The following SEMA6D variants were observed in gnomAD, a reference collection of about 807,000 sequenced individuals.
SEMA6D encodes the protein semaphorin-6D.
In SEMA6D, 35 loss-of-function variants were observed where a neutral mutation model predicts 106.6. The ratio of observed to expected loss-of-function variants is 0.33; its 90% CI spans 0.25 to 0.44. The LOEUF is 0.44. Ranked by LOEUF, SEMA6D falls within the 20% of genes least tolerant of loss-of-function variation. The probability of loss-of-function intolerance (pLI) is 1.00; values close to 1 mark genes in which losing one functional copy is unlikely to be tolerated. For synonymous variants in SEMA6D, 499 were observed against 487.7 expected (o/e 1.02, Z -0.31); for missense variants, 1,185 against 1,345.9 (o/e 0.88, Z 1.87).
intron 1 of SEMA6D, among the ~76,000 whole-genome samples, chr15:47,407,982 C>T (rs952093937): frequency 5.9e-5 from 9 of 152,156 alleles, no homozygotes; most frequent in African/African-American, 2.2e-4. Context: ...TGAAGACTGG[C>T]AGTCTGAGGT....
At chr15:47,455,988 T>A (rs2042335153) in intron 2 of SEMA6D, among the ~76,000 whole-genome samples, 1 of 151,978 alleles carries the variant, frequency 6.6e-6, no homozygotes, top group Non-Finnish European at 1.5e-5. Context: ...GCCATGATGA[T>A]GATGGCGATG....
chr15:47,538,017 G>T (rs2045229506), intron 3 of SEMA6D, among the ~76,000 whole-genome samples: 1 of 152,162 alleles, frequency 6.6e-6, no homozygotes, highest in Non-Finnish European at 1.5e-5. Context: ...GAGACTGGAT[G>T]TGCTCTTCAA....
intron 1 of SEMA6D, among the ~76,000 whole-genome samples, chr15:47,409,844 G>GT (rs547898823): frequency 8.4e-4 from 127 of 151,988 alleles, no homozygotes; most frequent in African/African-American, 3.0e-3. Flanking sequence ...AGGGATGGGA[G>GT]GAGCAAATGC....
chr15:47,712,224 T>G (rs1384938095), intron 4 of SEMA6D, among the ~76,000 whole-genome samples: 1 of 152,214 alleles, frequency 6.6e-6, no homozygotes, highest in Non-Finnish European at 1.5e-5. Context: ...ACACATTTAC[T>G]TGTAGTTTAG....
intron 4 of SEMA6D, among the ~76,000 whole-genome samples, chr15:47,610,637 A>G (rs1166905209): frequency 6.6e-6 from 1 of 152,204 alleles, no homozygotes; most frequent in African/African-American, 2.4e-5. Context: ...CTTCCTAGAT[A>G]TATCTCACTC....
chr15:47,361,780 C>T (rs2038818711), intron 1 of SEMA6D, among the ~76,000 whole-genome samples: 1 of 152,156 alleles, frequency 6.6e-6, no homozygotes. Flanking sequence ...AGCCTCTCCC[C>T]GCCCCTCCAC....
chr15:47,427,038 C>T (rs562184229), intron 2 of SEMA6D, among the ~76,000 whole-genome samples: 1 of 152,168 alleles, frequency 6.6e-6, no homozygotes, highest in South Asian at 2.1e-4. Context: ...TTTCAAACAC[C>T]AGTAGGGTGT....
At chr15:47,335,451 C>G (rs1294860167) in intron 1 of SEMA6D, among the ~76,000 whole-genome samples, 2 of 152,064 alleles carry the variant, frequency 1.3e-5, no homozygotes, top group Admixed American at 6.6e-5. Flanking sequence ...GACTGCCCAA[C>G]TCTCCCTATA....
chr15:47,213,547 A>G (rs894972192), intron 1 of SEMA6D, among the ~76,000 whole-genome samples: 1 of 152,224 alleles, frequency 6.6e-6, no homozygotes, highest in Non-Finnish European at 1.5e-5. Context: ...CCTCTCCTCC[A>G]CTATGACTAG....
chr15:47,304,129 T>G (rs918433183), intron 1 of SEMA6D, among the ~76,000 whole-genome samples: 2 of 152,142 alleles, frequency 1.3e-5, no homozygotes, highest in Non-Finnish European at 1.5e-5. Flanking sequence ...TCATGTTATC[T>G]TAGTTATACT....
At chr15:47,489,463 T>A (rs1170475891) in intron 3 of SEMA6D, among the ~76,000 whole-genome samples, 2 of 152,206 alleles carry the variant, frequency 1.3e-5, no homozygotes, top group African/African-American at 4.8e-5. Flanking sequence ...ACTCACTATG[T>A]GTCAAAACTA....
At chr15:47,378,060 A>T (rs1043887912) in intron 1 of SEMA6D, among the ~76,000 whole-genome samples, 3 of 152,204 alleles carry the variant, frequency 2.0e-5, no homozygotes, top group Non-Finnish European at 4.4e-5. Flanking sequence ...AAGCAGCTTG[A>T]TTGGTAACAG....
At chr15:47,428,269 A>G (rs1026312620) in intron 2 of SEMA6D, among the ~76,000 whole-genome samples, 12 of 152,136 alleles carry the variant, frequency 7.9e-5, no homozygotes, top group Non-Finnish European at 2.9e-5. Flanking sequence ...AGAAAAGAAT[A>G]ATGAGTTTAT....
intron 1 of SEMA6D, among the ~76,000 whole-genome samples, chr15:47,410,282 T>C (rs2040745543): frequency 6.6e-6 from 1 of 152,198 alleles, no homozygotes; most frequent in Non-Finnish European, 1.5e-5. Context: ...TGCACCTGGC[T>C]AGAACGTTTT....
At chr15:47,271,293 A>G (rs1405400434) in intron 1 of SEMA6D, among the ~76,000 whole-genome samples, 2 of 152,186 alleles carry the variant, frequency 1.3e-5, no homozygotes, top group Non-Finnish European at 2.9e-5. Context: ...GGTTTTACAG[A>G]GGTAGGTAAA....
chr15:47,601,234 C>A (rs540165226), intron 4 of SEMA6D, among the ~76,000 whole-genome samples: 1 of 152,258 alleles, frequency 6.6e-6, no homozygotes, highest in Non-Finnish European at 1.5e-5. Flanking sequence ...TTGTGAGCAG[C>A]TGTGACAGGG....
chr15:47,227,928 ATAAGAATCTTATATATATTTTTATATG>A (rs1566938413), intron 1 of SEMA6D, among the ~76,000 whole-genome samples: 1 of 136,300 alleles, frequency 7.3e-6, no homozygotes, highest in Admixed American at 7.5e-5. Context: ...TTTTATATAT[ATAAGAATCTTATATATATTTTTATATG>A]TAAGAATCTT....
chr15:47,721,390 A>G (rs2079413175), intron 1 of SEMA6D, among the ~76,000 whole-genome samples: 1 of 152,350 alleles, frequency 6.6e-6, no homozygotes, highest in African/African-American at 2.4e-5. Flanking sequence ...TCTGTGGCTC[A>G]TGTGAATGGA....
chr15:47,195,724 G>A (rs560298206), intron 1 of SEMA6D, among the ~76,000 whole-genome samples: 13 of 152,044 alleles, frequency 8.6e-5, no homozygotes, highest in South Asian at 6.2e-4. Flanking sequence ...TGTGCTCGCC[G>A]TGTTTGAACA....
Sources: gnomAD v4.1 joint callset for allele counts (sites outside exome capture counted in the v4.1 genomes callset) on GRCh38, gnomAD v4.1.1 for gene constraint, MANE v1.5 for transcripts, NCBI Gene and HGNC (gene_info 2026-07-23, HGNC 2026-07-21) for gene names.